MYO3B: variants seen among roughly 807,000 people sequenced by gnomAD.
MYO3B encodes myosin-IIIb.
Under a neutral mutation model 174.6 loss-of-function variants are expected in MYO3B, and 156 were observed. That is an observed-to-expected ratio of 0.89 (90% CI 0.78 to 1.02). MYO3B has a LOEUF of 1.02. Ranked by LOEUF, MYO3B falls within the 50% of genes least tolerant of loss-of-function variation. The pLI, the probability that MYO3B is intolerant of heterozygous loss-of-function variation, is 0.00. For synonymous variants in MYO3B, 563 were observed against 569.1 expected (o/e 0.99, Z 0.15); for missense variants, 1,632 against 1,639.4 (o/e 1.00, Z 0.08).
intron 7 of MYO3B, among the ~76,000 whole-genome samples, chr2:170,268,708 G>A (rs2093402717): frequency 6.6e-6 from 1 of 151,434 alleles, no homozygotes; most frequent in South Asian, 2.1e-4. Context: ...TAAATAAAGG[G>A]GTACCAAATT....
At chr2:170,634,488 A>C (rs983771140) in intron 32 of MYO3B, among the ~76,000 whole-genome samples, 1 of 152,142 alleles carries the variant, frequency 6.6e-6, no homozygotes, top group Admixed American at 6.5e-5. Flanking sequence ...TTAAAGACTT[A>C]CATGTTAGAC....
intron 23 of MYO3B, among the ~76,000 whole-genome samples, chr2:170,458,851 G>C (rs17580128): frequency 6.6e-6 from 1 of 152,126 alleles, no homozygotes; most frequent in Non-Finnish European, 1.5e-5. Context: ...CTCACCAACC[G>C]AAGACCTTTT....
intron 32 of MYO3B, among the ~76,000 whole-genome samples, chr2:170,604,863 G>A (rs991617550): frequency 2.1e-4 from 32 of 152,246 alleles, no homozygotes; most frequent in African/African-American, 6.5e-4. Context: ...TTTTGCTGAT[G>A]GTAGAAAACA....
chr2:170,491,993 G>T (rs904445501), intron 25 of MYO3B, among the ~76,000 whole-genome samples: 24 of 151,854 alleles, frequency 1.6e-4, no homozygotes, highest in African/African-American at 5.5e-4. Flanking sequence ...GGCAGAGGCT[G>T]CAGTGAGCTG....
At chr2:170,636,674 G>A (rs182250309) in intron 32 of MYO3B, among the ~76,000 whole-genome samples, 38 of 152,184 alleles carry the variant, frequency 2.5e-4, no homozygotes, top group African/African-American at 8.7e-4. Context: ...GCGTTTCCCG[G>A]TGCCATCATG....
At chr2:170,627,114 G>A (rs1696511018) in intron 32 of MYO3B, among the ~76,000 whole-genome samples, 2 of 152,024 alleles carry the variant, frequency 1.3e-5, no homozygotes, top group Admixed American at 6.6e-5. Context: ...GCTAGGTTGG[G>A]GAAGTTCTCC....
chr2:170,402,794 T>C, intron 18 of MYO3B, 54 bp from the exon 19 acceptor site: 1 of 1,518,686 alleles, frequency 6.6e-7, no homozygotes, highest in Non-Finnish European at 8.9e-7. Context: ...ATTCTCATCC[T>C]CTTTAGGTGG....
At chr2:170,591,200 T>C (rs934577545) in intron 32 of MYO3B, among the ~76,000 whole-genome samples, 20 of 152,224 alleles carry the variant, frequency 1.3e-4, no homozygotes, top group African/African-American at 3.6e-4. Flanking sequence ...TGCTCTCCTT[T>C]GAGCATCAGC....
chr2:170,355,637 G>T (rs2094114545), intron 8 of MYO3B, among the ~76,000 whole-genome samples: 1 of 152,158 alleles, frequency 6.6e-6, no homozygotes, highest in Non-Finnish European at 1.5e-5. Context: ...CACATTGTTG[G>T]GATTGAATCG....
intron 14 of MYO3B, among the ~76,000 whole-genome samples, chr2:170,390,586 G>T (rs552968499): frequency 3.3e-5 from 5 of 152,154 alleles, no homozygotes; most frequent in Non-Finnish European, 7.3e-5. Flanking sequence ...ACAGAATGGG[G>T]GCCATGCCAC....
intron 25 of MYO3B, among the ~76,000 whole-genome samples, chr2:170,496,050 T>C (rs1686838957): frequency 6.6e-6 from 1 of 152,182 alleles, no homozygotes; most frequent in Non-Finnish European, 1.5e-5. Flanking sequence ...GGAAGATATC[T>C]GCTATGAGCA....
At chr2:170,253,902 G>C (rs1283595860) in intron 7 of MYO3B, among the ~76,000 whole-genome samples, 1 of 151,308 alleles carries the variant, frequency 6.6e-6, no homozygotes, top group Non-Finnish European at 1.5e-5. Context: ...GGGCGGGGGC[G>C]GGCAGTGATA....
rs147568569 is a variant in MYO3B, at chr2:170,516,398, T to C, written c.3472+1376T>C. Among the ~76,000 whole-genome samples, 4 of 152,066 alleles carry C rather than the reference T, an allele frequency of 2.6e-5. No individual in the cohort carries two copies. In the East Asian group the frequency reaches 5.8e-4, roughly 22 times the overall value. On this transcript the variant is annotated intron_variant, in intron 29 of 34. Coordinates refer to ENST00000408978, the MANE Select transcript of MYO3B (RefSeq NM_138995.5). ...GGCTCACGCCTGTAATCCCAGCACTTTGGGAGGCCGAGATGGGCAGATCAC... is the reference window on the plus strand; with the variant it reads ...GGCTCACGCCTGTAATCCCAGCACTCTGGGAGGCCGAGATGGGCAGATCAC...
chr2:170,549,446 C>A (rs13419943), intron 32 of MYO3B, among the ~76,000 whole-genome samples: 16,363 of 152,182 alleles, frequency 0.11, 2,470 homozygotes, highest in African/African-American at 0.34. Flanking sequence ...CATGGCCTGT[C>A]TAGCCACAGC....
chr2:170,219,805 T>G (rs2092872862), intron 6 of MYO3B, among the ~76,000 whole-genome samples: 1 of 151,408 alleles, frequency 6.6e-6, no homozygotes, highest in African/African-American at 2.4e-5. Context: ...AAAGCATAAC[T>G]AAGGTCACTC....
At chr2:170,504,298 C>G (rs1409916379) in intron 28 of MYO3B, among the ~76,000 whole-genome samples, 1 of 152,130 alleles carries the variant, frequency 6.6e-6, no homozygotes, top group East Asian at 1.9e-4. Flanking sequence ...CTAGTTCTGG[C>G]CCATAGTATT....
intron 7 of MYO3B, among the ~76,000 whole-genome samples, chr2:170,295,781 C>T (rs2093625183): frequency 6.6e-6 from 1 of 152,112 alleles, no homozygotes; most frequent in African/African-American, 2.4e-5. Flanking sequence ...ATCTTTATTT[C>T]TTCTTTATTA....
intron 7 of MYO3B, among the ~76,000 whole-genome samples, chr2:170,290,904 G>A (rs147811946): frequency 1.3e-5 from 2 of 151,930 alleles, no homozygotes; most frequent in East Asian, 1.9e-4. Context: ...GATATAACAG[G>A]TTACTTTAAA....
chr2:170,619,032 T>C (rs1205412965), intron 32 of MYO3B, among the ~76,000 whole-genome samples: 1 of 152,148 alleles, frequency 6.6e-6, no homozygotes, highest in Non-Finnish European at 1.5e-5. Context: ...GGAAACAGGA[T>C]GTGAAGCTAG....
Sources: allele counts gnomAD v4.1 joint callset (sites outside exome capture counted in the v4.1 genomes callset), GRCh38; gene constraint gnomAD v4.1.1; transcripts MANE v1.5; gene names NCBI Gene and HGNC (gene_info 2026-07-23, HGNC 2026-07-21).